The following FGF10 variants were observed in gnomAD, a reference collection of about 807,000 sequenced individuals.
FGF10 encodes the protein fibroblast growth factor 10.
In FGF10, 2 loss-of-function variants were observed where a neutral mutation model predicts 19.8. That is an observed-to-expected ratio of 0.10 (90% CI 0.04 to 0.32). The LOEUF (loss-of-function observed/expected upper bound fraction) is 0.32. Ranked by LOEUF, FGF10 falls within the 10% of genes least tolerant of loss-of-function variation. The pLI is 1.00. For synonymous variants in FGF10, 112 were observed against 94.0 expected (o/e 1.19, Z -1.10); for missense variants, 191 against 246.3 (o/e 0.78, Z 1.50).
intron 1 of FGF10, among the ~76,000 whole-genome samples, chr5:44,317,570 T>C (rs1275812948): frequency 6.6e-6 from 1 of 152,154 alleles, no homozygotes; most frequent in Middle Eastern, 3.2e-3. Flanking sequence ...TGTTAAAGTG[T>C]GTTAAAGATC....
In FGF10 at chr5:44,325,305, A is replaced by G. The variant is rs568472478; in HGVS notation, c.326-14775T>C. Among the ~76,000 whole-genome samples, 9 of 152,124 alleles carry G rather than the reference A, an allele frequency of 5.9e-5. No individual in the cohort carries two copies. The East Asian group carries it at 1.5e-3, about 26-fold the overall frequency. ...GTTGGTGGGACTGTAAACTAGTTCA[A>G]CCATTGTGGAAGTCAGTGTGGCGAT... On this transcript the variant is annotated intron_variant, in intron 1 of 2. Transcript: ENST00000264664.
In FGF10 at chr5:44,382,256, C is replaced by T. The variant is rs564444350; in HGVS notation, c.325+6102G>A. On this transcript the variant is annotated intron_variant, in intron 1 of 2. Coordinates refer to ENST00000264664, the MANE Select transcript of FGF10 (RefSeq NM_004465.2). ...ATGTATTGTGCCAATTAGAACACAG[C>T]GTTCAAAGAAAGAACACAATTGATC... is the stretch of plus-strand genomic sequence containing the variant. Among the ~76,000 whole-genome samples, 63 of 152,154 alleles carry T rather than the reference C, an allele frequency of 4.1e-4. 1 individual carries two copies. The highest frequency in any genetic ancestry group is 2.2e-3 in the Admixed American group (34 of 15,278).
Position 44,389,055 on chromosome 5 carries a change from G to A in FGF10, c.-373C>T, listed in dbSNP as rs572422485. The A allele has an allele frequency of 1.4e-5, 5 of 349,728 alleles. No individual in the cohort carries two copies. The highest frequency in any genetic ancestry group is 2.2e-5 in the Non-Finnish European group (4 of 180,494). The allele number at this position is 349,728 out of a possible 1,614,324, so 21.7% of individuals were successfully genotyped here. On this transcript the variant is annotated 5_prime_UTR_variant, in exon 1 of 3. Transcript: ENST00000264664. ...CTTCACCATGTTAGATGCCAAAAAG[G>A]TCTGAAAAACAGATGACAGCACGGT...
intron 1 of FGF10, among the ~76,000 whole-genome samples, chr5:44,355,508 T>C (rs1741326091): frequency 1.3e-5 from 2 of 150,996 alleles, no homozygotes; most frequent in Admixed American, 1.3e-4. Context: ...ATCTATGCAA[T>C]ATATATTTAC....
rs868307998 is a variant in FGF10, at chr5:44,326,630, A to G, written c.326-16100T>C. Among the ~76,000 whole-genome samples the G allele has an allele frequency of 4.6e-5, 7 of 151,602 alleles. No individual in the cohort carries two copies. In the South Asian group the frequency reaches 6.3e-4, roughly 14 times the overall value. On this transcript the variant is annotated intron_variant, in intron 1 of 2. Coordinates refer to ENST00000264664, the MANE Select transcript of FGF10 (RefSeq NM_004465.2). ...CACTATGTTGCCTAAGCTGTTCTCA[A>G]TCTCCCAGGATCAAGCAATCCTCCC...
At chr5:44,360,937 G>T (rs553547564) in intron 1 of FGF10, among the ~76,000 whole-genome samples, 34 of 151,756 alleles carry the variant, frequency 2.2e-4, no homozygotes, top group African/African-American at 6.5e-4. Context: ...GCCTGCTGCT[G>T]CAGAAAGCAT....
intron 1 of FGF10, among the ~76,000 whole-genome samples, chr5:44,370,329 T>G (rs1741716218): frequency 6.6e-6 from 1 of 152,092 alleles, no homozygotes; most frequent in Non-Finnish European, 1.5e-5. Context: ...AGAAACCTCC[T>G]GGGGATTGGA....
At chr5:44,363,281 A>G (rs1021149677) in intron 1 of FGF10, among the ~76,000 whole-genome samples, 3 of 151,844 alleles carry the variant, frequency 2.0e-5, no homozygotes, top group Non-Finnish European at 4.4e-5. Context: ...CCACTGGTAA[A>G]TCTCAATTAA....
At chr5:44,355,972 A>G (rs1475960236) in intron 1 of FGF10, among the ~76,000 whole-genome samples, 1 of 151,438 alleles carries the variant, frequency 6.6e-6, no homozygotes, top group Non-Finnish European at 1.5e-5. Flanking sequence ...GCGAGGTGAA[A>G]TTGTTACAAT....
At chr5:44,333,318 T>C (rs1252774461) in intron 1 of FGF10, among the ~76,000 whole-genome samples, 1 of 152,104 alleles carries the variant, frequency 6.6e-6, no homozygotes, top group Non-Finnish European at 1.5e-5. Flanking sequence ...GACAGTAGAA[T>C]AGTCAAAGTT....
At chr5:44,308,328 T>G (rs1160469050) in intron 2 of FGF10, among the ~76,000 whole-genome samples, 1 of 152,228 alleles carries the variant, frequency 6.6e-6, no homozygotes, top group Non-Finnish European at 1.5e-5. Flanking sequence ...GTCATGTTTT[T>G]AAATAAGTAT....
At chr5:44,331,207 T>C (rs1471918158) in intron 1 of FGF10, among the ~76,000 whole-genome samples, 3 of 152,302 alleles carry the variant, frequency 2.0e-5, no homozygotes, top group South Asian at 2.1e-4. Context: ...CCAGACTAGA[T>C]AGTGCTTAAA....
rs189658214 is a variant in FGF10, at chr5:44,338,459, G to A, written c.326-27929C>T. Among the ~76,000 whole-genome samples the A allele has an allele frequency of 4.3e-3, 647 of 152,208 alleles. 1 individual carries two copies. The highest frequency in any genetic ancestry group is 6.3e-3 in the Non-Finnish European group (431 of 68,006). The stretch of plus-strand genomic sequence containing the variant: ...GTTTAGAGTCCCTGCAGTGACCGGA[G>A]GTCTTCTGCCATTTAGAGGAGATAA... On this transcript the variant is annotated intron_variant, in intron 1 of 2. Transcript: ENST00000264664.
At position 44,379,027 on chromosome 5, in the gene FGF10, T is replaced by C. The variant is rs149363682; in HGVS notation, c.325+9331A>G. On this transcript the variant is annotated intron_variant, in intron 1 of 2. Transcript: ENST00000264664. Reference sequence around the variant, plus strand: ...ACTTCTTGAATGAGGCACCAAACTCTCCCTTTGCAGTTCCCTTCTCACCTC... The same window carrying C: ...ACTTCTTGAATGAGGCACCAAACTCCCCCTTTGCAGTTCCCTTCTCACCTC... Among the ~76,000 whole-genome samples the C allele has an allele frequency of 2.6e-5, 4 of 152,202 alleles. No individual in the cohort carries two copies. The East Asian group carries it at 7.8e-4, about 30-fold the overall frequency.
chr5:44,373,183 A>G (rs531827965), intron 1 of FGF10, among the ~76,000 whole-genome samples: 12 of 152,154 alleles, frequency 7.9e-5, no homozygotes, highest in African/African-American at 2.9e-4. Flanking sequence ...GTTCTCTACA[A>G]ATCTTTCCTA....
chr5:44,356,681 C>G (rs1300073386), intron 1 of FGF10, among the ~76,000 whole-genome samples: 1 of 151,430 alleles, frequency 6.6e-6, no homozygotes, highest in South Asian at 2.1e-4. Context: ...GCATTATCAA[C>G]TTTGTTTCTC....
intron 1 of FGF10, among the ~76,000 whole-genome samples, chr5:44,353,834 TA>T: frequency 6.6e-6 from 1 of 151,486 alleles, no homozygotes; most frequent in Non-Finnish European, 1.5e-5. Context: ...TCTGCTAGAA[TA>T]CAGCCAGACT....
chr5:44,326,817 G>T (rs549271807), intron 1 of FGF10, among the ~76,000 whole-genome samples: 1 of 152,156 alleles, frequency 6.6e-6, no homozygotes, highest in Non-Finnish European at 1.5e-5. Context: ...TTTATCTGAA[G>T]AAACTCATGT....
At chr5:44,349,039 A>T (rs1448039) in intron 1 of FGF10, among the ~76,000 whole-genome samples, 81,372 of 151,174 alleles carry the variant, frequency 0.54, 23,935 homozygotes, top group Non-Finnish European at 0.67. Context: ...TGAACACAGC[A>T]GACTTTGCTT....
Sources: allele counts gnomAD v4.1 joint callset (sites outside exome capture counted in the v4.1 genomes callset), GRCh38; gene constraint gnomAD v4.1.1; transcripts MANE v1.5; gene names NCBI Gene and HGNC (gene_info 2026-07-23, HGNC 2026-07-21).